KCNMA1: variants seen among roughly 807,000 people sequenced by gnomAD.
KCNMA1 encodes the protein Calcium-activated potassium channel subunit alpha-1.
KCNMA1 carries 29 observed loss-of-function variants against 140.0 expected under a neutral mutation model. The observed-to-expected ratio is 0.21, with a 90% CI of 0.15 to 0.28. The LOEUF is 0.28. Among genes scored for constraint, KCNMA1 ranks in the 10% least tolerant of loss-of-function variants. KCNMA1 has a pLI of 1.00. For synonymous variants in KCNMA1, 612 were observed against 611.9 expected, an observed-to-expected ratio of 1.00 and a Z score of 0.00; for missense variants, 880 against 1,602.2, an observed-to-expected ratio of 0.55 and a Z score of 7.70.
intron 23 of KCNMA1, among the ~76,000 whole-genome samples, chr10:76,942,444 T>C (rs1328401427): frequency 6.6e-6 from 1 of 152,216 alleles, no homozygotes; most frequent in Non-Finnish European, 1.5e-5. Context: ...CATGTGTGTA[T>C]ACAAAAGAAA....
intron 1 of KCNMA1, among the ~76,000 whole-genome samples, chr10:77,523,384 T>G (rs2054281583): frequency 1.3e-5 from 2 of 152,238 alleles, no homozygotes; most frequent in African/African-American, 4.8e-5. Context: ...GCTTTTCATG[T>G]GTTGGGTTTG....
At chr10:77,349,786 C>A (rs1344676404) in intron 2 of KCNMA1, among the ~76,000 whole-genome samples, 1 of 152,212 alleles carries the variant, frequency 6.6e-6, no homozygotes, top group Non-Finnish European at 1.5e-5. Flanking sequence ...GCCACTCAAA[C>A]TTTCCAGGCC....
chr10:76,963,774 C>T lies in KCNMA1; in HGVS notation c.2360+6200G>A, dbSNP rs1771877640. On this transcript the variant is annotated intron_variant, in intron 20 of 27. Transcript: ENST00000286628. ...AACAAGCAAATTAAATACTAGTCCT[C>T]GCAAAGTGCAATACTTACAATTCAG... Among the ~76,000 whole-genome samples, 2 of 152,156 alleles carry T rather than the reference C, an allele frequency of 1.3e-5. 1 individual carries two copies. The highest frequency in any genetic ancestry group is 4.1e-4 in the South Asian group (2 of 4,824).
At chr10:77,431,588 T>G (rs2097151997) in intron 1 of KCNMA1, among the ~76,000 whole-genome samples, 1 of 149,460 alleles carries the variant, frequency 6.7e-6, no homozygotes, top group Non-Finnish European at 1.5e-5. Flanking sequence ...ACCACTGAGT[T>G]GAGACTAAGG....
chr10:77,271,727 G>A (rs548023464), intron 2 of KCNMA1, among the ~76,000 whole-genome samples: 134 of 152,064 alleles, frequency 8.8e-4, no homozygotes, highest in African/African-American at 3.0e-3. Context: ...ACTGGAAGAT[G>A]CAAAAAAAAT....
intron 1 of KCNMA1, among the ~76,000 whole-genome samples, chr10:77,519,306 G>T (rs1182875147): frequency 3.9e-5 from 6 of 152,198 alleles, no homozygotes; most frequent in African/African-American, 1.4e-4. Context: ...TTGGCAGCTG[G>T]TGATATCCAC....
At chr10:77,124,298 G>T (rs2097688044) in intron 5 of KCNMA1, among the ~76,000 whole-genome samples, 1 of 152,154 alleles carries the variant, frequency 6.6e-6, no homozygotes, top group Non-Finnish European at 1.5e-5. Context: ...TTGGCAGCTT[G>T]CCACATTTGA....
Position 77,251,215 on chromosome 10 carries a change from T to C in KCNMA1, c.582A>G (p.Ile194Met), listed in dbSNP as rs764880961. Reference protein sequence around the residue: ...VFALSIGALVIYFIDSSNPIE... With the variant: ...VFALSIGALVMYFIDSSNPIE... The stretch of plus-strand genomic sequence containing the variant: ...CTCACTTTGATGAATCTATGAAGTA[T>C]ATTACAAGTGCACCGATGCTGAGAG... Residue 194 changes from isoleucine to methionine, a missense_variant, in exon 3 of 28, where the codon ATA becomes ATG. Coordinates refer to ENST00000286628, the MANE Select transcript of KCNMA1 (RefSeq NM_001161352.2). 1 of 1,611,252 alleles carries C rather than the reference T, an allele frequency of 6.2e-7. No homozygotes were observed. The highest frequency in any genetic ancestry group is 8.5e-7 in the Non-Finnish European group (1 of 1,177,524).
chr10:77,218,201 C>T (rs915658021), intron 3 of KCNMA1, among the ~76,000 whole-genome samples: 1 of 152,140 alleles, frequency 6.6e-6, no homozygotes, highest in Non-Finnish European at 1.5e-5. Flanking sequence ...TTCCAAATGA[C>T]TCCCATGGCC....
rs570907908 is a variant in KCNMA1 at position 77,258,025 on chromosome 10, G to A, written c.541-6769C>T. The stretch of plus-strand genomic sequence containing the variant: ...GAAGAGCACAGGACACAGAAGACCT[G>A]GGTGTGAATCTCCACTCTGCCCCTA... On this transcript the variant is annotated intron_variant, in intron 2 of 27. Transcript: ENST00000286628. 2.6e-5 allele frequency among the ~76,000 whole-genome samples: 4 copies of A among 152,298 alleles called. No individual in the cohort carries two copies. The South Asian group carries it at 8.3e-4, about 32-fold the overall frequency.
chr10:77,091,052 A>AT (rs2153795164), intron 9 of KCNMA1: 1 of 165,422 alleles, frequency 6.0e-6, no homozygotes, highest in South Asian at 1.6e-4. Context: ...CATAAGCAGT[A>AT]AAAAGGAAAT....
At chr10:77,132,311 G>C (rs2097879828) in intron 5 of KCNMA1, among the ~76,000 whole-genome samples, 1 of 151,928 alleles carries the variant, frequency 6.6e-6, no homozygotes, top group Non-Finnish European at 1.5e-5. Flanking sequence ...TTCATACAAA[G>C]GGGCACAGGA....
chr10:77,251,081 C>T (rs1301587704), intron 3 of KCNMA1, 114 bp downstream of exon 3: 1 of 843,330 alleles, frequency 1.2e-6, no homozygotes, highest in African/African-American at 1.7e-5. Context: ...CCTCCAAAAT[C>T]TTCTGCACTC....
In KCNMA1 at chr10:77,637,595, G is replaced by A. The variant is rs867072885; in HGVS notation, c.48C>T (p.Gly16=). The A allele has an allele frequency of 8.5e-6, 13 of 1,525,566 alleles. No homozygotes were observed. The highest frequency in any genetic ancestry group is 2.5e-5 in the East Asian group (1 of 40,314). 94.5% of individuals were successfully genotyped at this position (1,525,566 alleles called of 1,614,324 possible). ...TTCTAAGACTGCTGCCTCCGCCGCC[G>A]CCGCCGCCGCCGCTGCTGCCGCCGC... is the stretch of plus-strand genomic sequence containing the variant. The part of the protein sequence containing the change: ...GGGGGSSGGG[G]GGGGSSLRMS... Residue 16 remains glycine (G), a synonymous_variant, in exon 1 of 28, where the codon GGC becomes GGT. Transcript: ENST00000286628.
chr10:76,964,752 T>A (rs189664593), intron 20 of KCNMA1, among the ~76,000 whole-genome samples: 9 of 152,196 alleles, frequency 5.9e-5, no homozygotes, highest in Admixed American at 5.9e-4. Flanking sequence ...AAGGTTTGAG[T>A]CAAAAGAGAG....
chr10:77,137,609 A>C (rs1238023642), intron 5 of KCNMA1, among the ~76,000 whole-genome samples: 3 of 152,090 alleles, frequency 2.0e-5, no homozygotes, highest in South Asian at 2.1e-4. Flanking sequence ...GCACAGAGTG[A>C]ATCTGAGCCT....
At chr10:77,496,823 C>A (rs927687200) in intron 1 of KCNMA1, among the ~76,000 whole-genome samples, 1 of 152,142 alleles carries the variant, frequency 6.6e-6, no homozygotes, top group Non-Finnish European at 1.5e-5. Flanking sequence ...GGACACCTGG[C>A]TCCTGCTGTC....
intron 14 of KCNMA1, among the ~76,000 whole-genome samples, chr10:77,059,589 G>C (rs141608114): frequency 1.1e-4 from 16 of 152,064 alleles, no homozygotes; most frequent in African/African-American, 3.9e-4. Context: ...ACAGTCTAAA[G>C]AAGAAAAACT....
At chr10:77,146,701 C>CAAAAAAAAAAAAAAAAAA (rs5786266) in intron 5 of KCNMA1, among the ~76,000 whole-genome samples, 2 of 64,182 alleles carry the variant, frequency 3.1e-5, no homozygotes, top group African/African-American at 6.5e-5. Context: ...GACTTCATCT[C>CAAAAAAAAAAAAAAAAAA]AAAAAAAAAA....
Sources: allele counts gnomAD v4.1 joint callset (sites outside exome capture counted in the v4.1 genomes callset), GRCh38; gene constraint gnomAD v4.1.1; transcripts MANE v1.5; gene names NCBI Gene and HGNC (gene_info 2026-07-23, HGNC 2026-07-21).